AFG1L: variants seen among roughly 807,000 people sequenced by gnomAD.
AFG1L encodes the protein AFG1 like ATPase, also known as AFG1-like ATPase.
A neutral mutation model predicts 62.2 loss-of-function variants in AFG1L; 53 were observed. The ratio of observed to expected loss-of-function variants is 0.85; its 90% CI spans 0.68 to 1.07. The LOEUF is 1.07. Ranked by LOEUF, AFG1L falls within the 50% of genes least tolerant of loss-of-function variation. The pLI, the probability that AFG1L is intolerant of heterozygous loss-of-function variation, is 0.00. For missense variants in AFG1L, 555 were observed against 590.5 expected (o/e 0.94, Z 0.62); for synonymous variants, 228 against 210.3 (o/e 1.08, Z -0.73).
intron 7 of AFG1L, among the ~76,000 whole-genome samples, chr6:108,406,106 T>C (rs1781840509): frequency 6.6e-6 from 1 of 152,222 alleles, no homozygotes; most frequent in African/African-American, 2.4e-5. Flanking sequence ...TGTACAAATA[T>C]CTGTTTGAGT....
intron 2 of AFG1L, among the ~76,000 whole-genome samples, chr6:108,330,182 A>ATTTTTTTTTTTTTTTTTTTTTTTTTTT (rs71015542): frequency 7.5e-6 from 1 of 132,516 alleles, no homozygotes; most frequent in Non-Finnish European, 1.6e-5. Flanking sequence ...TTCCTTTTTT[A>ATTTTTTTTTTTTTTTTTTTTTTTTTTT]TTTTTTTTTT....
At chr6:108,401,228 C>T (rs1278236150) in intron 6 of AFG1L, among the ~76,000 whole-genome samples, 1 of 151,092 alleles carries the variant, frequency 6.6e-6, no homozygotes, top group Non-Finnish European at 1.5e-5. Context: ...CTGCAAGCTC[C>T]GCTTCCCGGG....
chr6:108,469,602 T>C (rs1772806680), intron 8 of AFG1L, among the ~76,000 whole-genome samples: 1 of 152,206 alleles, frequency 6.6e-6, no homozygotes, highest in African/African-American at 2.4e-5. Flanking sequence ...AGAAGGTGGC[T>C]GCAAGGAGAC....
intron 8 of AFG1L, among the ~76,000 whole-genome samples, chr6:108,463,614 G>A (rs1772551614): frequency 6.6e-6 from 1 of 152,104 alleles, no homozygotes; most frequent in African/African-American, 2.4e-5. Flanking sequence ...GAATTTGAGA[G>A]CTAAGGGTGC....
chr6:108,364,736 T>A (rs900231821), intron 5 of AFG1L, among the ~76,000 whole-genome samples: 2 of 152,164 alleles, frequency 1.3e-5, no homozygotes, highest in Admixed American at 1.3e-4. Context: ...AATTTGACAG[T>A]GATCCTAAAC....
chr6:108,447,370 AT>A, intron 8 of AFG1L, 74 bp downstream of exon 8: 1 of 890,820 alleles, frequency 1.1e-6, no homozygotes, highest in African/African-American at 1.7e-5. Context: ...AAGCAGTTTA[AT>A]TATTGGAACG....
At chr6:108,367,239 T>A (rs1466209878) in intron 6 of AFG1L, among the ~76,000 whole-genome samples, 2 of 152,236 alleles carry the variant, frequency 1.3e-5, no homozygotes, top group African/African-American at 4.8e-5. Context: ...TCTCAGCACC[T>A]ATAACAGTGT....
In AFG1L at chr6:108,431,056, A is replaced by C. The variant is rs1771047525; in HGVS notation, c.808-16158A>C. Among the ~76,000 whole-genome samples, 3 of 152,150 alleles carry C rather than the reference A, an allele frequency of 2.0e-5. No homozygotes were observed. In the South Asian group the frequency reaches 6.2e-4, roughly 32 times the overall value. ...AGTTTCCTGATATGCTAATAGACCC[A>C]AGGTCTTGACCAAGTTGACAATGTT... On this transcript the variant is annotated intron_variant, in intron 7 of 12. Transcript: ENST00000368977.
Position 108,522,299 on chromosome 6 carries a change from T to A in AFG1L, c.1320T>A (p.Asp440Glu), listed in dbSNP as rs1775154579. ...TAATTTCTTTGTTTTATAACCAGGA[T>A]TCAGCAGAAGGACTCTCCATGTTTA... ...ILMDDLGLSQ[D>E]SAEGLSMFTG... The change falls in exon 13 of 13, where the codon GAT (aspartate) becomes GAA (glutamate). Residue 440 changes from aspartate to glutamate, a missense_variant and splice_region_variant. By Grantham distance (45) the Asp-to-Glu change is conservative. Coordinates refer to ENST00000368977, the MANE Select transcript of AFG1L (RefSeq NM_145315.5). 1 of 1,612,720 alleles carries A rather than the reference T, an allele frequency of 6.2e-7. No homozygotes were observed. Among genetic ancestry groups the A allele is most frequent in the Non-Finnish European group, 8.5e-7 (1 of 1,179,514 alleles).
chr6:108,388,546 G>C (rs1250405111), intron 6 of AFG1L, among the ~76,000 whole-genome samples: 4 of 152,156 alleles, frequency 2.6e-5, no homozygotes, highest in Non-Finnish European at 4.4e-5. Flanking sequence ...ACACTGCTTT[G>C]AATGTGTCCC....
chr6:108,382,067 C>T (rs1780562670), intron 6 of AFG1L, among the ~76,000 whole-genome samples: 1 of 141,608 alleles, frequency 7.1e-6, no homozygotes, highest in Non-Finnish European at 1.5e-5. Flanking sequence ...ATGGCACAGT[C>T]TCGGCTCACT....
At chr6:108,489,373 G>T (rs1304333020) in intron 10 of AFG1L, among the ~76,000 whole-genome samples, 2 of 152,176 alleles carry the variant, frequency 1.3e-5, no homozygotes, top group Non-Finnish European at 2.9e-5. Flanking sequence ...GGAGATTTTC[G>T]CTGCTACGCA....
At chr6:108,437,476 T>G (rs1433338269) in intron 7 of AFG1L, among the ~76,000 whole-genome samples, 1 of 152,144 alleles carries the variant, frequency 6.6e-6, no homozygotes, top group Non-Finnish European at 1.5e-5. Context: ...GCAGTCCCAC[T>G]GTCTTGGAGT....
chr6:108,342,785 A>G lies in AFG1L; in HGVS notation c.364-4203A>G, dbSNP rs1778727588. 2.6e-5 allele frequency among the ~76,000 whole-genome samples: 4 copies of G among 152,258 alleles called. 1 individual carries two copies. In the South Asian group the frequency reaches 8.3e-4, roughly 32 times the overall value. On this transcript the variant is annotated intron_variant, in intron 2 of 12. Transcript: ENST00000368977. Reference sequence around the variant, plus strand: ...ATGTCTGTGTCTAATGATTCTCGTTAGGAGGGTATTCATTTTGTTGATCAA... The same window carrying G: ...ATGTCTGTGTCTAATGATTCTCGTTGGGAGGGTATTCATTTTGTTGATCAA...
chr6:108,405,730 A>G (rs1183547158), intron 7 of AFG1L, among the ~76,000 whole-genome samples: 1 of 152,206 alleles, frequency 6.6e-6, no homozygotes, highest in Non-Finnish European at 1.5e-5. Flanking sequence ...ATTCATCTCC[A>G]GCATTTTTCA....
chr6:108,418,675 T>G (rs1345891470), intron 7 of AFG1L, among the ~76,000 whole-genome samples: 1 of 152,200 alleles, frequency 6.6e-6, no homozygotes, highest in East Asian at 1.9e-4. Context: ...TCAGATAATT[T>G]AGTAACTTGA....
At chr6:108,474,330 T>C (rs1246410139) in intron 8 of AFG1L, among the ~76,000 whole-genome samples, 1 of 152,218 alleles carries the variant, frequency 6.6e-6, no homozygotes. Context: ...TTGTGAATAG[T>C]GCTGCAACAA....
chr6:108,393,757 T>G (rs1348888295), intron 6 of AFG1L, among the ~76,000 whole-genome samples: 1 of 152,216 alleles, frequency 6.6e-6, no homozygotes, highest in Non-Finnish European at 1.5e-5. Context: ...TGTAGTATCT[T>G]AGTTTTAATT....
chr6:108,437,628 A>G (rs769179786), intron 7 of AFG1L, among the ~76,000 whole-genome samples: 14 of 152,354 alleles, frequency 9.2e-5, no homozygotes, highest in Middle Eastern at 3.4e-3. Flanking sequence ...ATTATAGTAT[A>G]GAATTTAGTA....
Sources: gnomAD v4.1 joint callset for allele counts (sites outside exome capture counted in the v4.1 genomes callset) on GRCh38, gnomAD v4.1.1 for gene constraint, MANE v1.5 for transcripts, NCBI Gene and HGNC (gene_info 2026-07-23, HGNC 2026-07-21) for gene names.